Variants in TACC2 observed in about 807,000 individuals in gnomAD.
The protein encoded by TACC2 is transforming acidic coiled-coil containing protein 2.
Under a neutral mutation model 227.3 loss-of-function variants are expected in TACC2, and 137 were observed. That is an observed-to-expected ratio of 0.60 (90% CI 0.52 to 0.69). The LOEUF is 0.69. Ranked by LOEUF, TACC2 falls within the 30% of genes least tolerant of loss-of-function variation. The pLI, the probability that TACC2 is intolerant of heterozygous loss-of-function variation, is 0.00. For missense variants in TACC2, 3,470 were observed against 3,694.4 expected, an observed-to-expected ratio of 0.94 and a Z score of 1.57; for synonymous variants, 1,523 against 1,487.5, an observed-to-expected ratio of 1.02 and a Z score of -0.55.
Position 122,211,278 on chromosome 10 carries a change from C to G in TACC2, c.6853C>G (p.Pro2285Ala), listed in dbSNP as rs985529652. Residue 2285 changes from proline (P) to alanine (A), a missense_variant, in exon 9 of 23, where the codon CCT (proline) becomes GCT (alanine). Physicochemically the swap from Pro to Ala is conservative, Grantham distance 27. Coordinates refer to ENST00000369005, the MANE Select transcript of TACC2 (RefSeq NM_206862.4). ...GGACAACCAGCAGGAAAACCCCCCTCCTACCAAAAAGATAGGCAAAAAGCC... is the reference window on the plus strand; with the variant it reads ...GGACAACCAGCAGGAAAACCCCCCTGCTACCAAAAAGATAGGCAAAAAGCC... ...SWDNQQENPP[P>A]TKKIGKKPVA... 2 of 1,614,116 alleles carry G rather than the reference C, an allele frequency of 1.2e-6. No individual in the cohort carries two copies. Among genetic ancestry groups the G allele is most frequent in the Non-Finnish European group, 1.7e-6 (2 of 1,180,020 alleles).
At chr10:122,178,417 A>G (rs182776982) in intron 7 of TACC2, among the ~76,000 whole-genome samples, 192 of 151,998 alleles carry the variant, frequency 1.3e-3, no homozygotes, top group African/African-American at 4.4e-3. Context: ...TTGTATTTTT[A>G]GTAGAGGCAA....
At chr10:122,161,618 C>T (rs992121749) in intron 7 of TACC2, among the ~76,000 whole-genome samples, 5 of 152,266 alleles carry the variant, frequency 3.3e-5, no homozygotes, top group African/African-American at 1.2e-4. Context: ...ATCTTGTTAT[C>T]GCAGCAGAAC....
At chr10:122,163,849 C>A in intron 7 of TACC2, 1 of 1,496,682 alleles carries the variant, frequency 6.7e-7, no homozygotes, top group Non-Finnish European at 8.9e-7. Context: ...CGGCTCGCCC[C>A]GGCTCCCGGC....
intron 3 of TACC2, among the ~76,000 whole-genome samples, chr10:122,064,860 A>G (rs2077219253): frequency 6.6e-6 from 1 of 152,076 alleles, no homozygotes; most frequent in Non-Finnish European, 1.5e-5. Flanking sequence ...TGAATTTGAG[A>G]GCTTGATGAA....
chr10:122,133,021 C>A lies in TACC2; in HGVS notation c.5699+287C>A, dbSNP rs188340112. On this transcript the variant is annotated intron_variant, in intron 6 of 22. Coordinates refer to ENST00000369005, the MANE Select transcript of TACC2 (RefSeq NM_206862.4). ...TTTTACAGACTTTTTTCCTATGTGG[C>A]CTTCAGGGGTCCCTATTTGAAACAG... 1.1e-4 allele frequency among the ~76,000 whole-genome samples: 16 copies of A among 152,242 alleles called. No homozygotes were observed. In the East Asian group the frequency reaches 3.1e-3, roughly 29 times the overall value.
rs1475219528 is a variant in TACC2, at chr10:122,059,525, G to A, written c.146+8975G>A. ...CTTTTGTTTGCGCTTTGGATAATTC[G>A]CATACAGACTCATGCCCCCTCTCCT... On this transcript the variant is annotated intron_variant, in intron 3 of 22. Transcript: ENST00000369005. Among the ~76,000 whole-genome samples the A allele has an allele frequency of 3.3e-5, 5 of 151,356 alleles. No individual in the cohort carries two copies. The East Asian group carries it at 7.9e-4, about 24-fold the overall frequency.
intron 1 of TACC2, among the ~76,000 whole-genome samples, chr10:121,997,558 G>A (rs1291439834): frequency 6.6e-6 from 1 of 152,166 alleles, no homozygotes; most frequent in African/African-American, 2.4e-5. Context: ...ACTCAGACAG[G>A]AGGGAGATGG....
intron 3 of TACC2, among the ~76,000 whole-genome samples, chr10:122,070,482 C>A (rs535081235): frequency 6.6e-6 from 1 of 152,072 alleles, no homozygotes; most frequent in Admixed American, 6.6e-5. Flanking sequence ...GGGTCAGGCG[C>A]GGTGGCTGAT....
At chr10:122,192,920 T>A (rs898976261) in intron 7 of TACC2, 1 of 371,010 alleles carries the variant, frequency 2.7e-6, no homozygotes, top group Non-Finnish European at 5.5e-6. Flanking sequence ...CAGGCTGATC[T>A]GAACTCTCAT....
chr10:122,121,842 C>T (rs1291649910), intron 5 of TACC2, among the ~76,000 whole-genome samples: 1 of 152,150 alleles, frequency 6.6e-6, no homozygotes, highest in Admixed American at 6.5e-5. Flanking sequence ...GCCATCTCTT[C>T]CTGCCCTGCC....
chr10:122,225,052 TAG>T (rs967182369), intron 12 of TACC2, among the ~76,000 whole-genome samples: 3 of 141,928 alleles, frequency 2.1e-5, no homozygotes, highest in African/African-American at 7.5e-5. Context: ...GAGAAAGAGC[TAG>T]AGATTTCTTT....
In TACC2 at chr10:122,084,809, C is replaced by G. The variant is rs558056061; in HGVS notation, c.2309C>G (p.Ser770Trp). The change falls in exon 4 of 23, where the codon TCG becomes TGG. Residue 770 changes from serine to tryptophan, a missense_variant. Physicochemically the swap from Ser to Trp is radical, Grantham distance 177. Around this residue, in one of 10 missense-constraint regions of TACC2, gnomAD observed 1,924 missense variants for 1,978.3 expected, o/e 0.97. Coordinates refer to ENST00000369005, the MANE Select transcript of TACC2 (RefSeq NM_206862.4). ...DQPRGPACDASRQEFHAGVPH... is the reference protein window; with the variant it reads ...DQPRGPACDAWRQEFHAGVPH... The stretch of plus-strand genomic sequence containing the variant: ...CCCCGCGGGCCGGCGTGTGATGCGT[C>G]GAGACAGGAATTTCATGCTGGGGTG... The G allele has an allele frequency of 3.1e-6, 5 of 1,613,670 alleles. No individual in the cohort carries two copies. Among genetic ancestry groups the G allele is most frequent in the African/African-American group, 1.3e-5 (1 of 75,050 alleles).
At chr10:122,212,385 G>A (rs1295457201) in intron 9 of TACC2, among the ~76,000 whole-genome samples, 1 of 152,212 alleles carries the variant, frequency 6.6e-6, no homozygotes, top group Non-Finnish European at 1.5e-5. Context: ...ATTGGTCCTT[G>A]GCTCTATGGT....
chr10:122,057,964 C>T (rs775881286), intron 3 of TACC2, among the ~76,000 whole-genome samples: 5 of 152,202 alleles, frequency 3.3e-5, no homozygotes, highest in African/African-American at 9.6e-5. Context: ...CCAGCCCTTT[C>T]GAAAGACTTG....
intron 2 of TACC2, among the ~76,000 whole-genome samples, chr10:122,035,891 C>T (rs936680306): frequency 3.9e-5 from 6 of 152,084 alleles, no homozygotes; most frequent in Non-Finnish European, 7.4e-5. Context: ...TAGTTCACTG[C>T]AACCTTGAAT....
chr10:122,091,772 GC>G, intron 5 of TACC2, among the ~76,000 whole-genome samples: 1 of 152,184 alleles, frequency 6.6e-6, no homozygotes, highest in Non-Finnish European at 1.5e-5. Context: ...GGCAGGTGTT[GC>G]CTTTGAAGGT....
Position 122,241,994 on chromosome 10 carries a change from G to C in TACC2, c.8385G>C (p.Gln2795His). The C allele has an allele frequency of 3.1e-6, 5 of 1,614,196 alleles. No homozygotes were observed. Among genetic ancestry groups the C allele is most frequent in the Non-Finnish European group, 4.2e-6 (5 of 1,180,004 alleles). The change falls in exon 19 of 23, where the codon CAG becomes CAC. Residue 2795 changes from glutamine to histidine, a missense_variant. By Grantham distance (24) the Gln-to-His change is conservative (BLOSUM62 0). This residue lies in a region of TACC2 where 65 missense variants were observed against 119.3 expected (regional missense o/e 0.54). Coordinates refer to ENST00000369005, the MANE Select transcript of TACC2 (RefSeq NM_206862.4). ...CCGAGTATGAGAAGACCATCGCTCAGATGATAGGTAGGTGTCCTGACCTGC... is the reference window on the plus strand; with the variant it reads ...CCGAGTATGAGAAGACCATCGCTCACATGATAGGTAGGTGTCCTGACCTGC... ...IVAEYEKTIA[Q>H]MIEDEQREKS... is the part of the protein sequence containing the mutation.
chr10:122,193,954 A>G (rs952244981), intron 7 of TACC2, among the ~76,000 whole-genome samples: 6 of 152,114 alleles, frequency 3.9e-5, no homozygotes, highest in Admixed American at 3.3e-4. Flanking sequence ...GTCTTGCTCT[A>G]TCACCTAGGC....
intron 1 of TACC2, among the ~76,000 whole-genome samples, chr10:122,008,264 A>ATTATTATTATAT: frequency 7.4e-6 from 1 of 134,654 alleles, no homozygotes; most frequent in Non-Finnish European, 1.6e-5. Context: ...TATTATTATT[A>ATTATTATTATAT]TTTTTTTTTT....
Sources: allele counts gnomAD v4.1 joint callset (sites outside exome capture counted in the v4.1 genomes callset), GRCh38; gene constraint gnomAD v4.1.1; regional missense constraint gnomAD v4.1.1; transcripts MANE v1.5; gene names NCBI Gene and HGNC (gene_info 2026-07-23, HGNC 2026-07-21).